WDR59: variants seen among roughly 807,000 people sequenced by gnomAD.
WDR59 encodes the protein WD repeat domain 59.
A neutral mutation model predicts 131.2 loss-of-function variants in WDR59; 100 were observed. The ratio of observed to expected loss-of-function variants is 0.76; its 90% confidence interval spans 0.65 to 0.90. The LOEUF (loss-of-function observed/expected upper bound fraction) is 0.90. Ranked by LOEUF, WDR59 falls within the 40% of genes least tolerant of loss-of-function variation. WDR59 has a pLI of 0.00. For synonymous variants in WDR59, 601 were observed against 466.2 expected, an observed-to-expected ratio of 1.29 and a Z score of -3.72; for missense variants, 1,203 against 1,262.2, an observed-to-expected ratio of 0.95 and a Z score of 0.71.
At chr16:74,899,105 T>C (rs1414059596) in intron 18 of WDR59, among the ~76,000 whole-genome samples, 3 of 151,920 alleles carry the variant, frequency 2.0e-5, no homozygotes, top group East Asian at 1.9e-4. Context: ...AAATGGCCAA[T>C]AGGAGTAAGA....
chr16:74,908,450 G>C (rs1416031123), intron 17 of WDR59, among the ~76,000 whole-genome samples: 1 of 152,122 alleles, frequency 6.6e-6, no homozygotes, highest in Non-Finnish European at 1.5e-5. Context: ...TTCCACGTTT[G>C]TGTTTTCACA....
chr16:74,969,900 C>T (rs927170737), intron 1 of WDR59, among the ~76,000 whole-genome samples: 4 of 151,966 alleles, frequency 2.6e-5, no homozygotes, highest in Non-Finnish European at 5.9e-5. Flanking sequence ...GATCCTCCCA[C>T]CTCAGCCTGC....
intron 6 of WDR59, 102 bp downstream of exon 6, chr16:74,948,417 G>A (rs2032784361): frequency 1.8e-6 from 2 of 1,094,446 alleles, no homozygotes; most frequent in Admixed American, 1.8e-5. Context: ...GGCAGTTAGA[G>A]AGGGAGATGG....
In WDR59 at chr16:74,938,139, G is replaced by A. The variant is rs1294811928; in HGVS notation, c.651+11C>T. The A allele has an allele frequency of 8.7e-6, 13 of 1,499,176 alleles. No homozygotes were observed. Among genetic ancestry groups the A allele is most frequent in the Non-Finnish European group, 1.2e-5 (13 of 1,120,586 alleles). 92.9% of individuals were successfully genotyped at this position (1,499,176 alleles called of 1,614,324 possible). The stretch of plus-strand genomic sequence containing the variant: ...CACTGCTCCTCCAACTTCCCCATGG[G>A]TGCCACTGACCTTCACAGAATTGTC... On this transcript the variant is annotated intron_variant, in intron 8 of 25. Coordinates refer to ENST00000262144, the MANE Select transcript of WDR59 (RefSeq NM_030581.4).
intron 8 of WDR59, among the ~76,000 whole-genome samples, chr16:74,936,238 C>CTGTTTCCT (rs2031788041): frequency 6.6e-6 from 1 of 152,068 alleles, no homozygotes; most frequent in Non-Finnish European, 1.5e-5. Context: ...CCTAGGACAT[C>CTGTTTCCT]AACCCTCAAG....
chr16:74,941,741 C>T (rs549252046), intron 7 of WDR59, among the ~76,000 whole-genome samples: 1 of 151,966 alleles, frequency 6.6e-6, no homozygotes, highest in South Asian at 2.1e-4. Context: ...TATGAAATCA[C>T]CTTCTCACCT....
chr16:74,974,453 T>C (rs890598870), intron 1 of WDR59, among the ~76,000 whole-genome samples: 11 of 152,184 alleles, frequency 7.2e-5, no homozygotes, highest in African/African-American at 2.7e-4. Context: ...TGTTCCAAAC[T>C]GATATTGTCA....
intron 8 of WDR59, among the ~76,000 whole-genome samples, chr16:74,928,184 G>C (rs1349208400): frequency 1.3e-5 from 2 of 148,472 alleles, no homozygotes; most frequent in African/African-American, 4.9e-5. Flanking sequence ...GGGATTACAG[G>C]TGTGAGCCAC....
At chr16:74,959,543 G>A (rs747051841) in intron 2 of WDR59, 2 of 453,708 alleles carry the variant, frequency 4.4e-6, no homozygotes, top group South Asian at 3.1e-5. Context: ...CAGAAGCATC[G>A]CTTGAGGCCC....
At chr16:74,982,484 C>T (rs2034465265) in intron 1 of WDR59, among the ~76,000 whole-genome samples, 1 of 152,180 alleles carries the variant, frequency 6.6e-6, no homozygotes, top group Admixed American at 6.5e-5. Flanking sequence ...TATGTGTCAG[C>T]ACCCTCTCTG....
chr16:74,969,287 T>C (rs1352448059), intron 1 of WDR59, among the ~76,000 whole-genome samples: 1 of 152,206 alleles, frequency 6.6e-6, no homozygotes, highest in Non-Finnish European at 1.5e-5. Flanking sequence ...TTGTTTTGTC[T>C]TTTGAGACGG....
chr16:74,925,339 T>C (rs867072324), intron 8 of WDR59, among the ~76,000 whole-genome samples: 4 of 149,996 alleles, frequency 2.7e-5, no homozygotes, highest in Admixed American at 2.0e-4. Flanking sequence ...AGGTCAGGAG[T>C]TCAAGACCAG....
intron 8 of WDR59, among the ~76,000 whole-genome samples, chr16:74,931,658 A>G (rs2031398436): frequency 6.6e-6 from 1 of 152,090 alleles, no homozygotes; most frequent in Non-Finnish European, 1.5e-5. Flanking sequence ...AATAATAAGG[A>G]TCACAAGAGC....
chr16:74,876,899 A>C (rs911148272), intron 25 of WDR59, among the ~76,000 whole-genome samples: 1 of 152,072 alleles, frequency 6.6e-6, no homozygotes, highest in African/African-American at 2.4e-5. Context: ...AAGGTGTCTC[A>C]CACCTGGCTG....
chr16:74,949,969 G>C (rs1314633052), intron 4 of WDR59, 171 bp from the exon 5 acceptor site: 6 of 693,168 alleles, frequency 8.7e-6, no homozygotes, highest in Non-Finnish European at 7.9e-6. Flanking sequence ...ACATGAGTTT[G>C]GAAGGAAACT....
At chr16:74,975,103 G>A (rs540011856) in intron 1 of WDR59, among the ~76,000 whole-genome samples, 5 of 152,342 alleles carry the variant, frequency 3.3e-5, no homozygotes, top group Non-Finnish European at 7.3e-5. Flanking sequence ...GCTCACACCT[G>A]TAATCCCAGC....
At chr16:74,893,553 A>G in intron 19 of WDR59, 126 bp downstream of exon 19, 1 of 997,330 alleles carries the variant, frequency 1.0e-6, no homozygotes, top group Non-Finnish European at 1.4e-6. Flanking sequence ...CAGCAACAGA[A>G]AGCTAATACA....
intron 10 of WDR59, among the ~76,000 whole-genome samples, chr16:74,919,903 C>T (rs529350836): frequency 1.1e-4 from 17 of 152,100 alleles, no homozygotes; most frequent in Admixed American, 7.2e-4. Context: ...TGAAACTCAT[C>T]TCTACAAAAA....
chr16:74,883,313 G>A (rs559388081), intron 25 of WDR59, among the ~76,000 whole-genome samples: 22 of 152,054 alleles, frequency 1.4e-4, no homozygotes, highest in Admixed American at 2.0e-4. Context: ...GTGAGTCACC[G>A]TACCCGGCCA....
Sources: allele counts gnomAD v4.1 joint callset (sites outside exome capture counted in the v4.1 genomes callset), GRCh38; gene constraint gnomAD v4.1.1; transcripts MANE v1.5; gene names NCBI Gene and HGNC (gene_info 2026-07-23, HGNC 2026-07-21).